Variants in TBC1D32 observed in about 807,000 individuals in gnomAD.
The protein encoded by TBC1D32 is TBC1 domain family member 32.
TBC1D32 carries 151 observed loss-of-function variants against 170.3 expected under a neutral mutation model. That is an observed-to-expected ratio of 0.89 (90% CI 0.78 to 1.01). The LOEUF (loss-of-function observed/expected upper bound fraction) is 1.01, where lower values mean the gene tolerates loss of function less well. TBC1D32 is among the 50% of genes least tolerant of loss of function. The pLI, the probability that TBC1D32 is intolerant of heterozygous loss-of-function variation, is 0.00. For synonymous variants in TBC1D32, 498 were observed against 488.0 expected (o/e 1.02, Z -0.27); for missense variants, 1,464 against 1,457.1 (o/e 1.00, Z -0.08).
chr6:121,243,345 T>C (rs1797216421), intron 17 of TBC1D32, among the ~76,000 whole-genome samples: 1 of 152,174 alleles, frequency 6.6e-6, no homozygotes, highest in East Asian at 1.9e-4. Flanking sequence ...TAACTGATAA[T>C]ATTGACTGGC....
chr6:121,297,413 G>A (rs1035725454), intron 10 of TBC1D32, among the ~76,000 whole-genome samples: 2 of 152,040 alleles, frequency 1.3e-5, no homozygotes, highest in African/African-American at 2.4e-5. Context: ...TAACCAAGCC[G>A]TCAAGTCATT....
At chr6:121,295,447 A>C (rs546132270) in intron 10 of TBC1D32, among the ~76,000 whole-genome samples, 1 of 152,290 alleles carries the variant, frequency 6.6e-6, no homozygotes, top group East Asian at 1.9e-4. Context: ...GTGAAAAAGT[A>C]AAGGCAGTTA....
chr6:121,283,369 CG>C (rs1803319444), intron 13 of TBC1D32, among the ~76,000 whole-genome samples: 1 of 151,642 alleles, frequency 6.6e-6, no homozygotes, highest in South Asian at 2.1e-4. Context: ...AAAACATGAA[CG>C]GTTTTTTCTT....
intron 22 of TBC1D32, among the ~76,000 whole-genome samples, chr6:121,172,807 A>G (rs1787237025): frequency 6.6e-6 from 1 of 152,164 alleles, no homozygotes; most frequent in Admixed American, 6.5e-5. Context: ...ACTTCATATC[A>G]GCATTTAAGT....
chr6:121,209,140 TAA>T (rs10605770), intron 21 of TBC1D32, among the ~76,000 whole-genome samples: 98,590 of 149,404 alleles, frequency 0.66, 37,206 homozygotes, highest in Non-Finnish European at 0.85. Context: ...CAGCTCTTCT[TAA>T]AAAAAAAAAA....
intron 1 of TBC1D32, among the ~76,000 whole-genome samples, chr6:121,330,607 T>G (rs1300342230): frequency 6.6e-6 from 1 of 152,214 alleles, no homozygotes; most frequent in African/African-American, 2.4e-5. Context: ...GCTCTAATTC[T>G]GAGGTCTCAA....
At chr6:121,111,159 GT>G (rs1779166036) in intron 29 of TBC1D32, among the ~76,000 whole-genome samples, 1 of 152,096 alleles carries the variant, frequency 6.6e-6, no homozygotes, top group Non-Finnish European at 1.5e-5. Flanking sequence ...AGTCCTGCTT[GT>G]TTTCAGTTTT....
At chr6:121,097,794 A>T (rs1777590860) in intron 30 of TBC1D32, among the ~76,000 whole-genome samples, 1 of 152,176 alleles carries the variant, frequency 6.6e-6, no homozygotes, top group Non-Finnish European at 1.5e-5. Context: ...GAACCAACCC[A>T]AATTTCCATC....
chr6:121,260,402 C>T (rs1475047945), intron 15 of TBC1D32, among the ~76,000 whole-genome samples: 2 of 152,148 alleles, frequency 1.3e-5, no homozygotes, highest in Non-Finnish European at 2.9e-5. Context: ...ATCAGAGGCT[C>T]CCACTGAAAA....
At chr6:121,249,099 C>T (rs1797977002) in intron 17 of TBC1D32, among the ~76,000 whole-genome samples, 1 of 151,808 alleles carries the variant, frequency 6.6e-6, no homozygotes, top group Non-Finnish European at 1.5e-5. Context: ...ATAGGTAATA[C>T]ACCATGATCA....
In TBC1D32 at chr6:121,249,538, T is replaced by C. The variant is rs79921490; in HGVS notation, c.2018+5790A>G. 8.9e-3 allele frequency among the ~76,000 whole-genome samples: 1,353 copies of C among 152,072 alleles called. 26 individuals carry two copies. Among genetic ancestry groups the C allele is most frequent in the African/African-American group, 0.031 (1,279 of 41,520 alleles). ...AGGAAGTCAAACTGTCACTTTCTGC[T>C]GATTATATGATCATATACCTCAAAA... On this transcript the variant is annotated intron_variant, in intron 17 of 31. Transcript: ENST00000398212.
chr6:121,281,868 T>C (rs903871263), intron 13 of TBC1D32, among the ~76,000 whole-genome samples, 182 bp from the exon 14 acceptor site: 1 of 151,636 alleles, frequency 6.6e-6, no homozygotes, highest in South Asian at 2.1e-4. Flanking sequence ...GGAATCTCAA[T>C]TGGCTTAAAA....
intron 22 of TBC1D32, among the ~76,000 whole-genome samples, chr6:121,175,134 G>A (rs551983047): frequency 5.3e-5 from 8 of 152,248 alleles, no homozygotes; most frequent in African/African-American, 1.9e-4. Flanking sequence ...CAATAGGGAG[G>A]ATCAATGTTA....
At chr6:121,154,499 A>G (rs1784624416) in intron 24 of TBC1D32, among the ~76,000 whole-genome samples, 1 of 152,178 alleles carries the variant, frequency 6.6e-6, no homozygotes, top group African/African-American at 2.4e-5. Flanking sequence ...AGGCCCTGTT[A>G]GATTCTTGAT....
intron 23 of TBC1D32, among the ~76,000 whole-genome samples, chr6:121,160,624 A>G (rs1437552778): frequency 6.6e-6 from 1 of 152,202 alleles, no homozygotes; most frequent in Non-Finnish European, 1.5e-5. Context: ...TTTAATAATA[A>G]AAGTTAAGTA....
At chr6:121,171,270 G>A (rs1310084666) in intron 22 of TBC1D32, among the ~76,000 whole-genome samples, 9 of 125,012 alleles carry the variant, frequency 7.2e-5, no homozygotes, top group African/African-American at 2.8e-4. Context: ...TATTTGTTCA[G>A]AAAACAAAAA....
intron 24 of TBC1D32, among the ~76,000 whole-genome samples, chr6:121,135,045 C>T (rs1038263536): frequency 1.3e-5 from 2 of 152,096 alleles, no homozygotes; most frequent in Non-Finnish European, 2.9e-5. Context: ...AGTAGGCTAG[C>T]CCATGACCTT....
chr6:121,172,552 TA>T (rs1280678062), intron 22 of TBC1D32, among the ~76,000 whole-genome samples: 1 of 151,952 alleles, frequency 6.6e-6, no homozygotes, highest in Non-Finnish European at 1.5e-5. Flanking sequence ...CTCCACCAGG[TA>T]AAAAAACCAT....
rs139053474 is a variant in TBC1D32 at position 121,122,536 on chromosome 6, C to T, written c.2983+3842G>A. ...AAAATACCCATATATCTTGCCTGCACATCCCCTGCTGAAGTGTGGTAAAAA... is the reference window on the plus strand; with the variant it reads ...AAAATACCCATATATCTTGCCTGCATATCCCCTGCTGAAGTGTGGTAAAAA... On this transcript the variant is annotated intron_variant, in intron 26 of 31. Transcript: ENST00000398212. 1.3e-5 allele frequency among the ~76,000 whole-genome samples: 2 copies of T among 151,288 alleles called. 1 individual carries two copies. The highest frequency in any genetic ancestry group is 3.9e-4 in the East Asian group (2 of 5,152).
Sources: allele counts gnomAD v4.1 joint callset (sites outside exome capture counted in the v4.1 genomes callset), GRCh38; gene constraint gnomAD v4.1.1; transcripts MANE v1.5; gene names NCBI Gene and HGNC (gene_info 2026-07-23, HGNC 2026-07-21).